The following AP3B1 variants were observed in gnomAD, a reference collection of about 807,000 sequenced individuals.
The protein encoded by AP3B1 is adaptor related protein complex 3 subunit beta 1.
In AP3B1, 61 loss-of-function variants were observed where a neutral mutation model predicts 132.5. The ratio of observed to expected loss-of-function variants is 0.46; its 90% CI spans 0.37 to 0.57. The LOEUF is 0.57. Among genes scored for constraint, AP3B1 ranks in the 20% least tolerant of loss-of-function variants. The pLI, the probability that AP3B1 is intolerant of heterozygous loss-of-function variation, is 0.00. For missense variants in AP3B1, 1,120 were observed against 1,289.4 expected, an observed-to-expected ratio of 0.87 and a Z score of 2.01; for synonymous variants, 388 against 438.3, an observed-to-expected ratio of 0.89 and a Z score of 1.43.
rs1209369558 is a variant in AP3B1 at position 78,228,149 on chromosome 5, G to A, written c.370C>T (p.Leu124=). 6.2e-7 allele frequency: 1 copy of A among 1,602,364 alleles called. No homozygotes were observed. Among genetic ancestry groups the A allele is most frequent in the South Asian group, 1.1e-5 (1 of 88,814 alleles). Residue 124 remains leucine, a synonymous_variant, in exon 4 of 27, where the codon CTG becomes TTG. Transcript: ENST00000255194. ...LLSISTFQRA[L]KDPNQLIRAS... ...CTACTCACTCCATTATTTACCTTCA[G>A]AGCTCGCTGAAAAGTGCTTATGGAC...
intron 15 of AP3B1, among the ~76,000 whole-genome samples, chr5:78,140,409 A>C (rs1753095768): frequency 6.6e-6 from 1 of 152,134 alleles, no homozygotes; most frequent in Non-Finnish European, 1.5e-5. Context: ...ATTAATAATA[A>C]AAATTTATTT....
chr5:78,290,086 C>T lies in AP3B1; in HGVS notation c.128+4366G>A, dbSNP rs146050817. Among the ~76,000 whole-genome samples the T allele has an allele frequency of 6.5e-3, 987 of 152,284 alleles. 7 individuals are homozygous for T. Among genetic ancestry groups the T allele is most frequent in the African/African-American group, 0.022 (928 of 41,562 alleles). On this transcript the variant is annotated intron_variant, in intron 1 of 26. Coordinates refer to ENST00000255194, the MANE Select transcript of AP3B1 (RefSeq NM_003664.5). Reference sequence around the variant, plus strand: ...GAAATCACTTTGAAGTACACCATCTCATGAGATCCTCACAAAAGAGGCAAG... The same window carrying T: ...GAAATCACTTTGAAGTACACCATCTTATGAGATCCTCACAAAAGAGGCAAG...
chr5:78,281,403 CAGCCTGGGCA>C (rs1749046982), intron 1 of AP3B1, among the ~76,000 whole-genome samples: 1 of 138,042 alleles, frequency 7.2e-6, no homozygotes, highest in South Asian at 2.2e-4. Flanking sequence ...CACTGCACTC[CAGCCTGGGCA>C]ACAAGACCAA....
intron 4 of AP3B1, 127 bp from the exon 5 acceptor site, chr5:78,227,659 T>A: frequency 1.2e-6 from 1 of 853,398 alleles, no homozygotes; most frequent in Non-Finnish European, 1.9e-6. Flanking sequence ...CTACTTAATT[T>A]AAAATGAACA....
intron 3 of AP3B1, among the ~76,000 whole-genome samples, chr5:78,239,097 G>A (rs1283119750): frequency 1.3e-5 from 2 of 151,772 alleles, no homozygotes; most frequent in Non-Finnish European, 2.9e-5. Context: ...CAATTCATCA[G>A]GAAAACCCAA....
At chr5:78,196,113 T>C (rs1290798977) in intron 7 of AP3B1, among the ~76,000 whole-genome samples, 2 of 152,078 alleles carry the variant, frequency 1.3e-5, no homozygotes, top group Middle Eastern at 3.4e-3. Context: ...TGGGAGAAAA[T>C]ATTTGCCAAA....
chr5:78,177,333 A>G lies in AP3B1; in HGVS notation c.1040+6T>C, dbSNP rs1305269393. On this transcript the variant is annotated splice_donor_region_variant and intron_variant, in intron 9 of 26. Transcript: ENST00000255194. ...AAGAAAAAATATATATAAAATCATG[A>G]CCTACCTATTGCTACGAAGTAAACG... The G allele has an allele frequency of 6.3e-7, 1 of 1,593,068 alleles. No homozygotes were observed. The highest frequency in any genetic ancestry group is 1.7e-5 in the Admixed American group (1 of 59,948).
At chr5:78,240,290 A>G (rs1747068889) in intron 3 of AP3B1, among the ~76,000 whole-genome samples, 1 of 152,206 alleles carries the variant, frequency 6.6e-6, no homozygotes, top group South Asian at 2.1e-4. Flanking sequence ...TTTTTCAATT[A>G]ATTTATCAAT....
At chr5:78,261,022 ATGGG>A (rs1402609930) in intron 2 of AP3B1, among the ~76,000 whole-genome samples, 1 of 152,228 alleles carries the variant, frequency 6.6e-6, no homozygotes, top group Non-Finnish European at 1.5e-5. Flanking sequence ...TGATGAGCAC[ATGGG>A]TTGTTTCCAC....
intron 7 of AP3B1, among the ~76,000 whole-genome samples, chr5:78,191,697 C>T (rs1744841416): frequency 6.6e-6 from 1 of 152,050 alleles, no homozygotes; most frequent in African/African-American, 2.4e-5. Flanking sequence ...AACAACTTAT[C>T]AGAAAGGAAA....
At chr5:78,075,755 C>A (rs1288391458) in intron 22 of AP3B1, among the ~76,000 whole-genome samples, 1 of 152,242 alleles carries the variant, frequency 6.6e-6, no homozygotes, top group East Asian at 1.9e-4. Context: ...AGCTGAGGGG[C>A]ATGAGTACAG....
At chr5:78,061,393 A>T (rs1749049467) in intron 22 of AP3B1, among the ~76,000 whole-genome samples, 1 of 152,176 alleles carries the variant, frequency 6.6e-6, no homozygotes, top group Admixed American at 6.5e-5. Flanking sequence ...GGTTCTAGTA[A>T]ATAAAGCTAT....
At chr5:78,178,936 G>C (rs1029123844) in intron 8 of AP3B1, among the ~76,000 whole-genome samples, 1 of 152,058 alleles carries the variant, frequency 6.6e-6, no homozygotes, top group Non-Finnish European at 1.5e-5. Flanking sequence ...TAAAAATACA[G>C]TATACAGGGT....
chr5:78,223,845 C>G (rs1468465387), intron 6 of AP3B1, among the ~76,000 whole-genome samples: 4 of 152,162 alleles, frequency 2.6e-5, no homozygotes, highest in Non-Finnish European at 5.9e-5. Flanking sequence ...CTGATTCAAA[C>G]GCTATTGTTT....
rs570259486 is a variant in AP3B1, at chr5:78,165,449, T to C, written c.1230+161A>G. Among the ~76,000 whole-genome samples the C allele has an allele frequency of 3.9e-5, 6 of 152,098 alleles. No individual in the cohort carries two copies. In the East Asian group the frequency reaches 7.7e-4, roughly 20 times the overall value. Reference sequence around the variant, plus strand: ...TATGTTTTCCTTAAATTATAAATTGTAATTAGTTTATTCTTGCAAATTTAT... The same window carrying C: ...TATGTTTTCCTTAAATTATAAATTGCAATTAGTTTATTCTTGCAAATTTAT... On this transcript the variant is annotated intron_variant, in intron 12 of 26. Coordinates refer to ENST00000255194, the MANE Select transcript of AP3B1 (RefSeq NM_003664.5).
In AP3B1 at chr5:78,187,493, T is replaced by C. The variant is rs185405449; in HGVS notation, c.787-5831A>G. On this transcript the variant is annotated intron_variant, in intron 7 of 26. Transcript: ENST00000255194. ...ACATTATTTTAATGAAAGACACATA[T>C]GTATTGCTTATTTTGCTGTACAAAT... Among the ~76,000 whole-genome samples, 33 of 152,308 alleles carry C rather than the reference T, an allele frequency of 2.2e-4. No homozygotes were observed. In the East Asian group the frequency reaches 6.2e-3, roughly 28 times the overall value.
intron 1 of AP3B1, among the ~76,000 whole-genome samples, chr5:78,272,762 G>A (rs985130309): frequency 2.0e-5 from 3 of 152,106 alleles, no homozygotes; most frequent in Admixed American, 2.0e-4. Flanking sequence ...AGTTAGTTAT[G>A]CAGATATCAT....
At chr5:78,219,468 T>C (rs1286885024) in intron 6 of AP3B1, among the ~76,000 whole-genome samples, 1 of 152,018 alleles carries the variant, frequency 6.6e-6, no homozygotes, top group Non-Finnish European at 1.5e-5. Flanking sequence ...ATGAAAATGG[T>C]ATAAAATTTA....
intron 7 of AP3B1, among the ~76,000 whole-genome samples, chr5:78,192,329 G>T (rs1360325263): frequency 5.3e-5 from 8 of 151,880 alleles, no homozygotes; most frequent in Non-Finnish European, 8.8e-5. Context: ...GAATGATTCT[G>T]CCCTCCCACA....
Sources: allele counts gnomAD v4.1 joint callset (sites outside exome capture counted in the v4.1 genomes callset), GRCh38; gene constraint gnomAD v4.1.1; transcripts MANE v1.5; gene names NCBI Gene and HGNC (gene_info 2026-07-23, HGNC 2026-07-21).